Variants in ATP1B4 observed in about 807,000 individuals in gnomAD.
The protein encoded by ATP1B4 is ATPase Na+/K+ transporting family member beta 4, also known as protein ATP1B4.
In ATP1B4, 32 loss-of-function variants were observed where a neutral mutation model predicts 29.6. The ratio of observed to expected loss-of-function variants is 1.08; its 90% confidence interval spans 0.82 to 1.45. ATP1B4 has a LOEUF of 1.45. Among genes scored for constraint, ATP1B4 ranks in the 40% most tolerant of loss-of-function variants. The pLI, the probability that ATP1B4 is intolerant of heterozygous loss-of-function variation, is 0.00. For synonymous variants in ATP1B4, 127 were observed against 102.1 expected, an observed-to-expected ratio of 1.24 and a Z score of -1.47; for missense variants, 323 against 276.2, an observed-to-expected ratio of 1.17 and a Z score of -1.20.
intron 6 of ATP1B4, among the ~76,000 whole-genome samples, chrX:120,377,006 G>A (rs183234137): frequency 2.7e-5 from 3 of 112,066 alleles, no homozygotes; most frequent in East Asian, 2.8e-4. Context: ...TAGCTCCCTT[G>A]TAGGAAAAAG....
In ATP1B4 at chrX:120,363,073, G is replaced by A. The variant is rs763976622; in HGVS notation, c.63+842G>A. ...TATAAGTCATTAATGTATGCCACACGCAGTGCTTTTTGGGGAGAGGATTTT... is the reference window on the plus strand; with the variant it reads ...TATAAGTCATTAATGTATGCCACACACAGTGCTTTTTGGGGAGAGGATTTT... On this transcript the variant is annotated intron_variant, in intron 1 of 7. Transcript: ENST00000218008. 5.3e-5 allele frequency among the ~76,000 whole-genome samples: 6 copies of A among 112,427 alleles called. No individual in the cohort carries two copies. The East Asian group carries it at 1.4e-3, about 26-fold the overall frequency.
intron 6 of ATP1B4, 51 bp from the exon 7 acceptor site, chrX:120,378,627 C>G (rs2058367650): frequency 1.9e-6 from 2 of 1,042,593 alleles, no homozygotes; most frequent in Non-Finnish European, 2.7e-6. Context: ...AGCTCAGACT[C>G]TAGCCCACTC....
At chrX:120,369,855 T>A (rs1160220651) in intron 2 of ATP1B4, among the ~76,000 whole-genome samples, 1 of 112,427 alleles carries the variant, frequency 8.9e-6, no homozygotes, top group Non-Finnish European at 1.9e-5. Context: ...GTACCACTAT[T>A]GTACAGACGA....
chrX:120,362,999 G>A (rs1342696132), intron 1 of ATP1B4, among the ~76,000 whole-genome samples: 1 of 112,063 alleles, frequency 8.9e-6, no homozygotes, highest in Non-Finnish European at 1.9e-5. Context: ...TTATTTCCAG[G>A]GTGTATTACA....
chrX:120,378,864 A>G, intron 7 of ATP1B4, 91 bp downstream of exon 7: 1 of 802,598 alleles, frequency 1.2e-6, no homozygotes, highest in Non-Finnish European at 1.9e-6. Flanking sequence ...AGGGAGCAGG[A>G]GATAGTAGAG....
chrX:120,379,622 C>T lies in ATP1B4; in HGVS notation c.1062C>T (p.Asn354=). 1 of 1,205,187 alleles carries T rather than the reference C, an allele frequency of 8.3e-7. No individual in the cohort carries two copies. The change falls in exon 8 of 8, where the codon AAC becomes AAT. Residue 354 remains asparagine (N), a synonymous_variant. Transcript: ENST00000218008. ...TGGGCAGGGTAATCTTTACCCTGAA[C>T]ATAGAAACTTAAGAACTTCAGGGGG... ...RFVGRVIFTL[N]IET
At chrX:120,371,877 C>T (rs1001398379) in intron 4 of ATP1B4, among the ~76,000 whole-genome samples, 1 of 112,346 alleles carries the variant, frequency 8.9e-6, no homozygotes, top group Non-Finnish European at 1.9e-5. Context: ...ACCGTGTTAG[C>T]CAGGATGGTC....
In ATP1B4 at chrX:120,375,461, A is replaced by G. The variant is rs2058348379; in HGVS notation, c.652A>G (p.Lys218Glu). Residue 218 changes from lysine to glutamate, a missense_variant, in exon 5 of 8, where the codon AAG (lysine) becomes GAG (glutamate). Lys to Glu is a moderately conservative substitution (Grantham distance 56). Transcript: ENST00000218008. The stretch of plus-strand genomic sequence containing the variant: ...AGATGGCAATGAGGATGAGGACAAG[A>G]AGGCCTGCCAATTTAAGCGCTCCTT... ...IQDGNEDEDK[K>E]ACQFKRSFLK... The G allele has an allele frequency of 8.3e-7, 1 of 1,208,946 alleles. No homozygotes were observed. Among genetic ancestry groups the G allele is most frequent in the Non-Finnish European group, 1.1e-6 (1 of 894,653 alleles).
At chrX:120,365,369 C>G (rs2058280857) in intron 1 of ATP1B4, among the ~76,000 whole-genome samples, 1 of 112,407 alleles carries the variant, frequency 8.9e-6, no homozygotes, top group South Asian at 3.7e-4. Flanking sequence ...CATTCTGTAT[C>G]ACTTGTACTG....
In ATP1B4 at chrX:120,365,142, G is replaced by A. The variant is rs185962354; in HGVS notation, c.64-1383G>A. Among the ~76,000 whole-genome samples the A allele has an allele frequency of 6.3e-5, 7 of 111,984 alleles. No individual in the cohort carries two copies. The East Asian group carries it at 1.4e-3, about 22-fold the overall frequency. Reference sequence around the variant, plus strand: ...ATCAAGAGACATAGGTTCCGAGACCGTCAACTCTATCATGAATTTACTGCA... The same window carrying A: ...ATCAAGAGACATAGGTTCCGAGACCATCAACTCTATCATGAATTTACTGCA... On this transcript the variant is annotated intron_variant, in intron 1 of 7. Coordinates refer to ENST00000218008, the MANE Select transcript of ATP1B4 (RefSeq NM_001142447.3).
chrX:120,366,570 G>A lies in ATP1B4; in HGVS notation c.109G>A (p.Glu37Lys), dbSNP rs1463659890. The change falls in exon 2 of 8, where the codon GAG becomes AAG. Residue 37 changes from glutamate (E) to lysine (K), a missense_variant. Coordinates refer to ENST00000218008, the MANE Select transcript of ATP1B4 (RefSeq NM_001142447.3). ...ANQNYLADEE[E>K]EAEEEARVTV... ...CCAGAACTACTTAGCAGATGAAGAG[G>A]AGGAAGCAGAAGAAGAGGCTCGGGT... is the stretch of plus-strand genomic sequence containing the variant. 1 of 1,208,136 alleles carries A rather than the reference G, an allele frequency of 8.3e-7. No individual in the cohort carries two copies.
At chrX:120,372,291 G>T (rs2058317476) in intron 4 of ATP1B4, among the ~76,000 whole-genome samples, 1 of 111,945 alleles carries the variant, frequency 8.9e-6, no homozygotes, top group Non-Finnish European at 1.9e-5. Flanking sequence ...TCCTGGCCTG[G>T]TTGAAGTGGG....
chrX:120,379,329 G>A (rs1260016606), intron 7 of ATP1B4, 144 bp from the exon 8 acceptor site: 3 of 492,378 alleles, frequency 6.1e-6, no homozygotes, highest in Non-Finnish European at 1.0e-5. Context: ...AGGAGAGTAT[G>A]TCTGTTGCTT....
chrX:120,375,285 A>C, intron 4 of ATP1B4, 87 bp from the exon 5 acceptor site: 1 of 858,707 alleles, frequency 1.2e-6, no homozygotes, highest in Non-Finnish European at 1.7e-6. Flanking sequence ...TGGAGAAAGG[A>C]AACTTGGGAG....
In ATP1B4 at chrX:120,370,770, C is replaced by G. The variant is rs917657691; in HGVS notation, c.384C>G (p.Thr128=). 2.5e-6 allele frequency: 3 copies of G among 1,209,076 alleles called. No homozygotes were observed. In the African/African-American group the frequency reaches 5.3e-5, roughly 21 times the overall value. Residue 128 remains threonine, a synonymous_variant, in exon 3 of 8, where the codon ACC becomes ACG. Coordinates refer to ENST00000218008, the MANE Select transcript of ATP1B4 (RefSeq NM_001142447.3). ...FFYASLAAVI[T]LCMYTLFLTI... is the part of the protein sequence containing the mutation. ...ATGCCTCCTTGGCTGCTGTGATCACCCTCTGCATGTACACACTATTTCTGA... is the reference window on the plus strand; with the variant it reads ...ATGCCTCCTTGGCTGCTGTGATCACGCTCTGCATGTACACACTATTTCTGA...
chrX:120,362,185 G>A lies in ATP1B4; in HGVS notation c.17G>A (p.Arg6Gln), dbSNP rs753158669. 2.8e-5 allele frequency: 34 copies of A among 1,209,200 alleles called. No individual in the cohort carries two copies. The highest frequency in any genetic ancestry group is 1.2e-4 in the East Asian group (4 of 33,754). Residue 6 changes from arginine to glutamine, a missense_variant, in exon 1 of 8, where the codon CGG becomes CAG. Arg to Gln is a conservative substitution (Grantham distance 43, BLOSUM62 1). Transcript: ENST00000218008. The stretch of plus-strand genomic sequence containing the variant: ...TGAACAGCCATGAGAAGGCAACTCC[G>A]GTCCAGAAGGGCTCCATCCTTTCCT... The part of the protein sequence containing the change: MRRQL[R>Q]SRRAPSFPYS...
At chrX:120,369,391 G>T (rs181842674) in intron 2 of ATP1B4, among the ~76,000 whole-genome samples, 13 of 111,757 alleles carry the variant, frequency 1.2e-4, no homozygotes, top group Non-Finnish European at 1.9e-4. Context: ...ATTACTATGG[G>T]TTTTTTTTCT....
intron 6 of ATP1B4, among the ~76,000 whole-genome samples, chrX:120,376,750 T>C (rs777525320): frequency 8.9e-6 from 1 of 112,551 alleles, no homozygotes; most frequent in Admixed American, 9.4e-5. Flanking sequence ...AAGTCATTAA[T>C]TGAGATTCTG....
intron 2 of ATP1B4, 123 bp downstream of exon 2, chrX:120,366,912 G>T: frequency 9.5e-7 from 1 of 1,057,981 alleles, no homozygotes; most frequent in Non-Finnish European, 1.2e-6. Context: ...TTCATGTAAA[G>T]GCATCAATGC....
Sources: allele counts gnomAD v4.1 joint callset (sites outside exome capture counted in the v4.1 genomes callset), GRCh38; gene constraint gnomAD v4.1.1; transcripts MANE v1.5; gene names NCBI Gene and HGNC (gene_info 2026-07-23, HGNC 2026-07-21).